Variants in PCDHGA8 observed in about 807,000 individuals in gnomAD.
The protein encoded by PCDHGA8 is protocadherin gamma-A8.
PCDHGA8 carries 45 observed loss-of-function variants against 59.2 expected under a neutral mutation model. That is an observed-to-expected ratio of 0.76 (90% CI 0.60 to 0.98). The LOEUF (loss-of-function observed/expected upper bound fraction) is 0.98. Ranked by LOEUF, PCDHGA8 falls within the 50% of genes least tolerant of loss-of-function variation. The pLI is 0.00. For missense variants in PCDHGA8, 1,257 were observed against 1,196.2 expected (o/e 1.05, Z -0.75); for synonymous variants, 531 against 519.0 (o/e 1.02, Z -0.32).
intron 3 of PCDHGA8, among the ~76,000 whole-genome samples, chr5:141,509,362 G>C (rs2099876497): frequency 6.6e-6 from 1 of 152,152 alleles, no homozygotes; most frequent in Non-Finnish European, 1.5e-5. Flanking sequence ...GCATCCCTGA[G>C]GTTTTAACTG....
At chr5:141,508,830 C>G (rs1320903059) in intron 3 of PCDHGA8, among the ~76,000 whole-genome samples, 2 of 152,150 alleles carry the variant, frequency 1.3e-5, no homozygotes, top group Non-Finnish European at 2.9e-5. Flanking sequence ...CTGGGCCCCC[C>G]TCCCCTACCC....
At chr5:141,444,672 A>G (rs990955921) in intron 1 of PCDHGA8, among the ~76,000 whole-genome samples, 2 of 152,086 alleles carry the variant, frequency 1.3e-5, no homozygotes, top group Non-Finnish European at 2.9e-5. Flanking sequence ...ATTTTTTTCA[A>G]TACCATTTAT....
In PCDHGA8 at chr5:141,505,435, G is replaced by A. The variant is rs1274195652; in HGVS notation, c.2526G>A (p.Gln842=). The change falls in exon 3 of 4, where the codon CAG becomes CAA. Residue 842 remains glutamine, a synonymous_variant. Transcript: ENST00000398604. ...GDDTGTWPNN[Q]FDTEMLQAMI... is the part of the protein sequence containing the mutation. ...ACACCGGCACCTGGCCCAACAACCA[G>A]TTTGACACAGAGATGCTGCAAGCCA... 1 of 1,614,096 alleles carries A rather than the reference G, an allele frequency of 6.2e-7. No homozygotes were observed. Among genetic ancestry groups the A allele is most frequent in the African/African-American group, 1.3e-5 (1 of 74,936 alleles).
chr5:141,487,314 A>G lies in PCDHGA8; in HGVS notation c.2425-7493A>G. ...GGCTCATTCGTGGCACTACTCTCTAAGTGTCTTCGTGGGGCAGCCTGTGGA... is the reference window on the plus strand; with the variant it reads ...GGCTCATTCGTGGCACTACTCTCTAGGTGTCTTCGTGGGGCAGCCTGTGGA... On this transcript the variant is annotated intron_variant, in intron 1 of 3. Transcript: ENST00000398604. The surrounding 1 kb of genome is among the most constrained non-coding windows in gnomAD (Gnocchi z 5.0). The G allele has an allele frequency of 6.2e-7, 1 of 1,614,002 alleles. No individual in the cohort carries two copies. Among genetic ancestry groups the G allele is most frequent in the African/African-American group, 1.3e-5 (1 of 74,994 alleles).
chr5:141,393,009 A>T lies in PCDHGA8; in HGVS notation c.196A>T (p.Ile66Phe). 1 of 1,613,898 alleles carries T rather than the reference A, an allele frequency of 6.2e-7. No individual in the cohort carries two copies. Reference protein sequence around the residue: ...PRKLAKHGVRIVSRGRTQLFA... With the variant: ...PRKLAKHGVRFVSRGRTQLFA... ...GAAGCTGGCGAAGCACGGAGTCCGTATCGTCTCCAGAGGTAGGACGCAGCT... is the reference window on the plus strand; with the variant it reads ...GAAGCTGGCGAAGCACGGAGTCCGTTTCGTCTCCAGAGGTAGGACGCAGCT... Residue 66 changes from isoleucine to phenylalanine, a missense_variant, in exon 1 of 4, where the codon ATC becomes TTC. Ile to Phe is a conservative substitution (Grantham distance 21, BLOSUM62 0). Coordinates refer to ENST00000398604, the MANE Select transcript of PCDHGA8 (RefSeq NM_032088.2).
chr5:141,402,223 T>C (rs1329025694), intron 1 of PCDHGA8, among the ~76,000 whole-genome samples: 1 of 152,054 alleles, frequency 6.6e-6, no homozygotes, highest in Non-Finnish European at 1.5e-5. Context: ...AAATAAACGT[T>C]TTTCCAGGAA....
chr5:141,494,818 C>T lies in PCDHGA8; in HGVS notation c.2436C>T (p.Pro812=). The part of the protein sequence containing the change: ...NEADHGQQAP[P]NTDWRFSQAQ... ...TGTTTTCTCCACAGCAAGCCCCGCCCAACACGGACTGGCGTTTCTCTCAGG... is the reference window on the plus strand; with the variant it reads ...TGTTTTCTCCACAGCAAGCCCCGCCTAACACGGACTGGCGTTTCTCTCAGG... Residue 812 remains proline (P), a synonymous_variant, in exon 2 of 4, where the codon CCC becomes CCT. Transcript: ENST00000398604. 1.9e-6 allele frequency: 3 copies of T among 1,614,152 alleles called. No homozygotes were observed. The highest frequency in any genetic ancestry group is 2.2e-5 in the South Asian group (2 of 91,074).
intron 1 of PCDHGA8, chr5:141,403,034 G>T (rs1589474195): frequency 1.9e-6 from 3 of 1,614,096 alleles, no homozygotes; most frequent in East Asian, 2.2e-5. Flanking sequence ...GGAGGCCAGG[G>T]CCAGTCAGAT....
chr5:141,437,076 A>T (rs1018228245), intron 1 of PCDHGA8, among the ~76,000 whole-genome samples: 2 of 152,236 alleles, frequency 1.3e-5, no homozygotes, highest in African/African-American at 4.8e-5. Context: ...TTTGGGCCAT[A>T]TAAGAATTGA....
Position 141,486,092 on chromosome 5 carries a change from C to G in PCDHGA8, c.2425-8715C>G. ...TACTGGAAAGCTTACTCTTTTGGGG[C>G]CCCTAGACTTTGAGAGTGAGAATTA... On this transcript the variant is annotated intron_variant, in intron 1 of 3. Transcript: ENST00000398604. The surrounding 1 kb of genome is among the most constrained non-coding windows in gnomAD (Gnocchi z 5.0). The G allele has an allele frequency of 6.2e-7, 1 of 1,614,148 alleles. No individual in the cohort carries two copies. Among genetic ancestry groups the G allele is most frequent in the South Asian group, 1.1e-5 (1 of 91,080 alleles).
chr5:141,409,725 G>A (rs1416188591), intron 1 of PCDHGA8: 1 of 1,613,172 alleles, frequency 6.2e-7, no homozygotes, highest in Non-Finnish European at 8.5e-7. Context: ...GTGTCAGTGA[G>A]CGCGCAGAGC....
At position 141,486,027 on chromosome 5, in the gene PCDHGA8, C is replaced by A. The variant is rs2099623152; in HGVS notation, c.2425-8780C>A. 2 of 1,614,048 alleles carry A rather than the reference C, an allele frequency of 1.2e-6. No individual in the cohort carries two copies. Among genetic ancestry groups the A allele is most frequent in the African/African-American group, 2.7e-5 (2 of 74,912 alleles). On this transcript the variant is annotated intron_variant, in intron 1 of 3. Coordinates refer to ENST00000398604, the MANE Select transcript of PCDHGA8 (RefSeq NM_032088.2). The surrounding 1 kb of genome is among the most constrained non-coding windows in gnomAD (Gnocchi z 5.0). ...GTCACCTTTTATTTCAGTGGTCATA[C>A]CCCTGATCGTGTAAGAAACCTCTTT...
At chr5:141,504,340 G>C (rs1240423982) in intron 2 of PCDHGA8, among the ~76,000 whole-genome samples, 1 of 152,062 alleles carries the variant, frequency 6.6e-6, no homozygotes, top group Non-Finnish European at 1.5e-5. Flanking sequence ...CAAGTGCTAG[G>C]CTTTGTGCTA....
chr5:141,410,230 C>A (rs759582867), intron 1 of PCDHGA8: 2 of 1,614,006 alleles, frequency 1.2e-6, no homozygotes, highest in South Asian at 2.2e-5. Flanking sequence ...CAGACCTCAG[C>A]GACCGCCCTG....
intron 1 of PCDHGA8, chr5:141,413,715 G>A (rs955570292): frequency 2.5e-6 from 4 of 1,613,472 alleles, no homozygotes; most frequent in Non-Finnish European, 3.4e-6. Context: ...GCCCCAATAA[G>A]CACTTCTCCC....
intron 1 of PCDHGA8, chr5:141,410,799 C>T: frequency 2.9e-5 from 16 of 560,592 alleles, no homozygotes; most frequent in South Asian, 8.0e-5. Context: ...ATAAGTTGCT[C>T]TATCTTTTTG....
intron 1 of PCDHGA8, chr5:141,422,152 G>A (rs979405624): frequency 1.3e-5 from 20 of 1,575,764 alleles, no homozygotes; most frequent in Non-Finnish European, 1.5e-5. Flanking sequence ...GGGGTCTCTG[G>A]ATTTTGAAAA....
intron 1 of PCDHGA8, chr5:141,422,699 C>T: frequency 6.2e-7 from 1 of 1,603,420 alleles, no homozygotes; most frequent in Middle Eastern, 1.7e-4. Flanking sequence ...GTCACTTACT[C>T]TCTGACGGAT....
intron 2 of PCDHGA8, among the ~76,000 whole-genome samples, chr5:141,504,788 TC>T (rs1235410120): frequency 6.6e-6 from 1 of 152,070 alleles, no homozygotes; most frequent in Non-Finnish European, 1.5e-5. Context: ...TCTTGGGGCC[TC>T]CTACATCTCC....
Sources: allele counts gnomAD v4.1 joint callset (sites outside exome capture counted in the v4.1 genomes callset), GRCh38; gene constraint gnomAD v4.1.1; non-coding constraint Gnocchi (gnomAD v3.1); transcripts MANE v1.5; gene names NCBI Gene and HGNC (gene_info 2026-07-23, HGNC 2026-07-21).